Variants in ADAM9 observed in about 807,000 individuals in gnomAD.
The protein encoded by ADAM9 is ADAM metallopeptidase domain 9.
ADAM9 carries 54 observed loss-of-function variants against 108.1 expected under a neutral mutation model. The observed-to-expected ratio is 0.50, with a 90% CI of 0.40 to 0.63. ADAM9 has a LOEUF of 0.63. Among genes scored for constraint, ADAM9 ranks in the 20% least tolerant of loss-of-function variants. The probability of loss-of-function intolerance (pLI) is 0.00; values close to 1 mark genes in which losing one functional copy is unlikely to be tolerated. For missense variants in ADAM9, 830 were observed against 997.7 expected, an observed-to-expected ratio of 0.83 and a Z score of 2.26; for synonymous variants, 316 against 336.0, an observed-to-expected ratio of 0.94 and a Z score of 0.65.
intron 11 of ADAM9, among the ~76,000 whole-genome samples, chr8:39,031,629 A>G (rs1005056253): frequency 1.3e-5 from 2 of 152,128 alleles, no homozygotes; most frequent in African/African-American, 4.8e-5. Context: ...GTTATTACCA[A>G]CCTTCTAAAG....
At chr8:39,072,883 C>T (rs977785015) in intron 15 of ADAM9, among the ~76,000 whole-genome samples, 13 of 152,088 alleles carry the variant, frequency 8.5e-5, no homozygotes, top group African/African-American at 3.1e-4. Flanking sequence ...TCCTTTGACT[C>T]GTGTTATTGA....
intron 20 of ADAM9, among the ~76,000 whole-genome samples, chr8:39,099,588 C>A (rs1397772188): frequency 2.0e-5 from 3 of 151,988 alleles, no homozygotes; most frequent in African/African-American, 7.3e-5. Context: ...AAATGTGGCA[C>A]CAAGCATCCT....
chr8:39,003,325 A>C (rs1310560220), intron 1 of ADAM9, among the ~76,000 whole-genome samples: 5 of 152,108 alleles, frequency 3.3e-5, no homozygotes, highest in Admixed American at 1.3e-4. Context: ...GTTGGCATCT[A>C]GTGGGTGGAG....
chr8:39,029,136 T>G (rs1344821821), intron 11 of ADAM9, among the ~76,000 whole-genome samples: 2 of 151,602 alleles, frequency 1.3e-5, no homozygotes, highest in Non-Finnish European at 2.9e-5. Flanking sequence ...TTGTTGTTTT[T>G]TTTTTTTTTT....
intron 16 of ADAM9, 36 bp from the exon 17 acceptor site, chr8:39,082,605 A>G: frequency 2.6e-6 from 4 of 1,554,654 alleles, no homozygotes; most frequent in Non-Finnish European, 2.7e-6. Flanking sequence ...ACTGTGCTCA[A>G]TCTTTCTTTA....
Position 39,071,312 on chromosome 8 carries a change from C to A in ADAM9, c.1606C>A (p.Pro536Thr). 6.2e-7 allele frequency: 1 copy of A among 1,613,762 alleles called. No homozygotes were observed. Among genetic ancestry groups the A allele is most frequent in the South Asian group, 1.1e-5 (1 of 91,054 alleles). ...TAATGTTACAGAAGCCAAGGCTGCCCCCAAAGATTGTTTCATTGAAGTGAA... is the reference window on the plus strand; with the variant it reads ...TAATGTTACAGAAGCCAAGGCTGCCACCAAAGATTGTTTCATTGAAGTGAA... The part of the protein sequence containing the change: ...VIFGSKAKAA[P>T]KDCFIEVNSK... The change falls in exon 15 of 22, where the codon CCC becomes ACC. Residue 536 changes from proline to threonine, a missense_variant. Pro to Thr is a conservative substitution (Grantham distance 38, BLOSUM62 -1). Transcript: ENST00000487273.
chr8:39,047,421 T>C (rs1010917779), intron 12 of ADAM9, among the ~76,000 whole-genome samples: 6 of 152,198 alleles, frequency 3.9e-5, no homozygotes, highest in African/African-American at 1.2e-4. Flanking sequence ...AGTAAAGCCA[T>C]TGGTCCTGTG....
intron 12 of ADAM9, among the ~76,000 whole-genome samples, chr8:39,051,906 GTACACACCTCATGTGTATATATACAAACA>G (rs1049422884): frequency 3.3e-5 from 5 of 151,804 alleles, no homozygotes; most frequent in African/African-American, 1.2e-4. Flanking sequence ...ATACATCCTT[GTACACACCTCATGTGTATATATACAAACA>G]TACACACCTC....
At chr8:39,067,854 C>T (rs1171752729) in intron 14 of ADAM9, among the ~76,000 whole-genome samples, 1 of 152,102 alleles carries the variant, frequency 6.6e-6, no homozygotes, top group Non-Finnish European at 1.5e-5. Context: ...CAGTTTTTGC[C>T]CATTCAGTAT....
chr8:39,071,520 G>A, intron 15 of ADAM9, 117 bp downstream of exon 15: 1 of 907,682 alleles, frequency 1.1e-6, no homozygotes, highest in Non-Finnish European at 1.7e-6. Flanking sequence ...AGGCTGGAGT[G>A]CAGTGGCGCG....
At chr8:39,005,889 T>C (rs1422677483) in intron 1 of ADAM9, among the ~76,000 whole-genome samples, 1 of 152,216 alleles carries the variant, frequency 6.6e-6, no homozygotes, top group Non-Finnish European at 1.5e-5. Context: ...ACTTTTTAAT[T>C]GGCTTTGATG....
chr8:39,025,671 A>ATTT, intron 9 of ADAM9, 132 bp from the exon 10 acceptor site: 1 of 625,694 alleles, frequency 1.6e-6, no homozygotes, highest in Non-Finnish European at 2.6e-6. Context: ...TGATTTTAGA[A>ATTT]TTTTTTTTTT....
At chr8:39,070,573 A>G (rs1838650874) in intron 14 of ADAM9, among the ~76,000 whole-genome samples, 1 of 152,176 alleles carries the variant, frequency 6.6e-6, no homozygotes, top group Non-Finnish European at 1.5e-5. Flanking sequence ...TAGGCAACAT[A>G]GCAAGACCCC....
chr8:39,064,552 G>A (rs1034722570), intron 14 of ADAM9, among the ~76,000 whole-genome samples: 1 of 152,210 alleles, frequency 6.6e-6, no homozygotes, highest in Admixed American at 6.5e-5. Context: ...TTCCAGTCCA[G>A]ATTTGAAGGC....
chr8:39,090,296 C>T, intron 19 of ADAM9, 108 bp downstream of exon 19: 2 of 957,784 alleles, frequency 2.1e-6, no homozygotes, highest in Non-Finnish European at 3.1e-6. Flanking sequence ...CCTCAGCCTT[C>T]CAAGTAGTTG....
intron 12 of ADAM9, among the ~76,000 whole-genome samples, chr8:39,045,529 CATATGTGTGTATAT>C (rs1461069607): frequency 8.7e-6 from 1 of 114,966 alleles, no homozygotes; most frequent in East Asian, 2.5e-4. Context: ...TATATATGTG[CATATGTGTGTATAT>C]ATGTGTGTGT....
intron 11 of ADAM9, among the ~76,000 whole-genome samples, chr8:39,029,852 C>T (rs1402940448): frequency 6.6e-6 from 1 of 152,090 alleles, no homozygotes; most frequent in Non-Finnish European, 1.5e-5. Flanking sequence ...TTCTGGTTGT[C>T]CCTTGTCTGA....
intron 18 of ADAM9, among the ~76,000 whole-genome samples, chr8:39,087,863 G>A (rs1339437989): frequency 6.6e-6 from 1 of 152,136 alleles, no homozygotes; most frequent in Non-Finnish European, 1.5e-5. Context: ...TGTAACTTTT[G>A]GCTTCCCCAA....
intron 13 of ADAM9, among the ~76,000 whole-genome samples, chr8:39,055,288 T>C (rs1564320511): frequency 6.6e-6 from 1 of 152,194 alleles, no homozygotes; most frequent in Non-Finnish European, 1.5e-5. Context: ...CAATATTGGG[T>C]ACTAGCAGGC....
Sources: gnomAD v4.1 joint callset for allele counts (sites outside exome capture counted in the v4.1 genomes callset) on GRCh38, gnomAD v4.1.1 for gene constraint, MANE v1.5 for transcripts, NCBI Gene and HGNC (gene_info 2026-07-23, HGNC 2026-07-21) for gene names.